The following CRLF2 variants were observed in gnomAD, a reference collection of about 807,000 sequenced individuals.
CRLF2 encodes cytokine receptor-like factor 2.
In CRLF2, 41 loss-of-function variants were observed where a neutral mutation model predicts 38.7. The observed-to-expected ratio is 1.06, with a 90% CI of 0.83 to 1.37. The LOEUF (loss-of-function observed/expected upper bound fraction) is 1.37, where lower values mean the gene tolerates loss of function less well. Ranked by LOEUF, CRLF2 falls within the 40% of genes most tolerant of loss-of-function variation. The pLI is 0.00. For synonymous variants in CRLF2, 140 were observed against 128.8 expected (o/e 1.09, Z -0.59); for missense variants, 377 against 322.2 (o/e 1.17, Z -1.30).
Position 1,198,488 on chromosome X carries a change from C to A in CRLF2, c.646+74G>T, listed in dbSNP as rs754908135. 37 of 1,539,756 alleles carry A rather than the reference C, an allele frequency of 2.4e-5. No individual in the cohort carries two copies. The East Asian group carries it at 8.1e-4, about 34-fold the overall frequency. ...GGCAGGACACCCTCCCTCCCACCTC[C>A]CGGGAAGGCAGTGGCTATGCCTACT... On this transcript the variant is annotated intron_variant, in intron 5 of 7. Transcript: ENST00000400841.
chrX:1,196,698 C>G (rs1406541949), intron 6 of CRLF2, 82 bp downstream of exon 6: 32 of 1,536,528 alleles, frequency 2.1e-5, no homozygotes, highest in Non-Finnish European at 2.6e-5. Flanking sequence ...ATGACTCTAT[C>G]AGGCGATTAA....
Position 1,196,792 on chromosome X carries a change from C to T in CRLF2, c.755G>A (p.Trp252Ter). The T allele has an allele frequency of 9.3e-6, 15 of 1,613,236 alleles. No individual in the cohort carries two copies. The highest frequency in any genetic ancestry group is 1.3e-5 in the Non-Finnish European group (15 of 1,179,514). Residue 252 changes from tryptophan to a stop codon, truncating the protein, a stop_gained, in exon 6 of 8, where the codon TGG becomes TAG. Coordinates refer to ENST00000400841, the MANE Select transcript of CRLF2 (RefSeq NM_022148.4). LOFTEE classifies it high-confidence loss of function. ...GAGTCATCCTTACCTCCATAATTTC[C>T]ATAAAGACAGAAGGAGGAGAGACAC... ...LMVSLLLLSL[W>*]KLWRVKKFLI...
intron 4 of CRLF2, 69 bp downstream of exon 4, chrX:1,202,333 C>T (rs182711171): frequency 6.3e-6 from 10 of 1,589,004 alleles, no homozygotes; most frequent in African/African-American, 1.3e-5. Context: ...GATGAAACAG[C>T]GAATCCCACA....
intron 1 of CRLF2, among the ~76,000 whole-genome samples, chrX:1,210,793 CAGAT>C (rs1383868228): frequency 5.9e-5 from 9 of 152,066 alleles, no homozygotes; most frequent in South Asian, 2.1e-4. Flanking sequence ...CAGACAGACA[CAGAT>C]AGATAGGGAT....
intron 7 of CRLF2, among the ~76,000 whole-genome samples, 177 bp downstream of exon 7, chrX:1,193,041 G>C (rs2086420980): frequency 6.6e-6 from 1 of 151,694 alleles, no homozygotes; most frequent in African/African-American, 2.4e-5. Context: ...TCGAACTCCT[G>C]ACCTGAAGTG....
At chrX:1,197,671 G>A (rs1204699678) in intron 5 of CRLF2, among the ~76,000 whole-genome samples, 1 of 151,850 alleles carries the variant, frequency 6.6e-6, no homozygotes, top group Non-Finnish European at 1.5e-5. Flanking sequence ...AACATTAGGC[G>A]GGCTTGGTGG....
chrX:1,203,198 G>T (rs1244340375), intron 3 of CRLF2, among the ~76,000 whole-genome samples: 1 of 151,766 alleles, frequency 6.6e-6, no homozygotes, highest in Non-Finnish European at 1.5e-5. Context: ...GAGAAGGAAG[G>T]GTTCTAAATC....
chrX:1,201,357 T>TGTAG (rs2086602320), intron 4 of CRLF2, among the ~76,000 whole-genome samples: 1 of 150,722 alleles, frequency 6.6e-6, no homozygotes, highest in African/African-American at 2.4e-5. Flanking sequence ...TGTGTGTGTG[T>TGTAG]AGAGAGACAG....
intron 1 of CRLF2, among the ~76,000 whole-genome samples, chrX:1,210,245 G>C (rs1337189589): frequency 1.3e-5 from 2 of 152,106 alleles, no homozygotes; most frequent in Non-Finnish European, 2.9e-5. Context: ...TTGTAATTCC[G>C]AACAGGGACA....
intron 5 of CRLF2, among the ~76,000 whole-genome samples, 174 bp from the exon 6 acceptor site, chrX:1,197,074 C>G (rs1166303397): frequency 6.9e-6 from 1 of 145,360 alleles, no homozygotes; most frequent in African/African-American, 2.6e-5. Flanking sequence ...TGTAAATATT[C>G]GTGTCAGCAA....
At chrX:1,192,210 A>AAAC (rs1556416117) in intron 7 of CRLF2, among the ~76,000 whole-genome samples, 11 of 120,552 alleles carry the variant, frequency 9.1e-5, no homozygotes, top group African/African-American at 2.1e-4. Context: ...GTCTCAAAAA[A>AAAC]AAAAAAAAAA....
intron 4 of CRLF2, among the ~76,000 whole-genome samples, chrX:1,199,846 T>C (rs2086567952): frequency 6.6e-6 from 1 of 151,780 alleles, no homozygotes; most frequent in Non-Finnish European, 1.5e-5. Context: ...ATAGAAGCTA[T>C]GTATATAAGA....
chrX:1,205,092 G>T (rs1439658839), intron 3 of CRLF2, among the ~76,000 whole-genome samples: 1 of 152,144 alleles, frequency 6.6e-6, no homozygotes, highest in East Asian at 1.9e-4. Flanking sequence ...CTCCCATAGT[G>T]CTGGGATTAC....
At chrX:1,199,989 GTATA>G (rs781506673) in intron 4 of CRLF2, among the ~76,000 whole-genome samples, 101 of 151,326 alleles carry the variant, frequency 6.7e-4, no homozygotes, top group Admixed American at 2.8e-3. Context: ...ATATACGTGT[GTATA>G]TATATGTGTA....
intron 2 of CRLF2, among the ~76,000 whole-genome samples, chrX:1,207,956 G>C (rs1284933026): frequency 6.6e-6 from 1 of 152,126 alleles, no homozygotes; most frequent in Non-Finnish European, 1.5e-5. Context: ...AAATTTCCCT[G>C]TTCTGTACGC....
Position 1,190,626 on chromosome X carries a change from T to C in CRLF2, c.*271A>G. ...CTGCCTTGGGGTTTATGTGACAACGTTCAGGCACGAAAAGGAACTGGGAGT... is the reference window on the plus strand; with the variant it reads ...CTGCCTTGGGGTTTATGTGACAACGCTCAGGCACGAAAAGGAACTGGGAGT... On this transcript the variant is annotated 3_prime_UTR_variant, in exon 8 of 8. Coordinates refer to ENST00000400841, the MANE Select transcript of CRLF2 (RefSeq NM_022148.4). 2 of 388,470 alleles carry C rather than the reference T, an allele frequency of 5.1e-6. No individual in the cohort carries two copies. Among genetic ancestry groups the C allele is most frequent in the Middle Eastern group, 6.5e-4 (1 of 1,540 alleles). The allele number at this position is 388,470 out of a possible 1,614,324, so 24.1% of individuals were successfully genotyped here.
intron 5 of CRLF2, among the ~76,000 whole-genome samples, chrX:1,197,360 C>T (rs1349456539): frequency 5.3e-5 from 8 of 151,604 alleles, no homozygotes; most frequent in African/African-American, 7.3e-5. Context: ...AAAGAGACAC[C>T]GTGTCTCTGG....
At chrX:1,208,990 C>CTCTGTCTCAAAA in intron 1 of CRLF2, 82 bp from the exon 2 acceptor site, 1 of 841,816 alleles carries the variant, frequency 1.2e-6, no homozygotes, top group Non-Finnish European at 1.9e-6. Flanking sequence ...CTTTTTGAGA[C>CTCTGTCTCAAAA]AGAGTCTCAC....
In CRLF2 at chrX:1,198,565, G is replaced by T. The variant is rs759127718; in HGVS notation, c.643C>A (p.Arg215=). ...EVTCWQRGEI[R]DACAETPTPP... is the part of the protein sequence containing the mutation. ...ACTGCCGCGTAACAAGCATTACCCC[G>T]AATCTCGCCTCTCTGCCAGCATGTC... Residue 215 remains arginine (R), a synonymous_variant, in exon 5 of 8, where the codon CGG becomes AGG. Transcript: ENST00000400841. 12 of 1,613,434 alleles carry T rather than the reference G, an allele frequency of 7.4e-6. No individual in the cohort carries two copies. The highest frequency in any genetic ancestry group is 1.0e-5 in the Non-Finnish European group (12 of 1,179,672).
Sources: gnomAD v4.1 joint callset for allele counts (sites outside exome capture counted in the v4.1 genomes callset) on GRCh38, gnomAD v4.1.1 for gene constraint, MANE v1.5 for transcripts, NCBI Gene and HGNC (gene_info 2026-07-23, HGNC 2026-07-21) for gene names.